Variants in TENM4 observed in about 807,000 individuals in gnomAD.
The protein encoded by TENM4 is teneurin-4.
TENM4 carries 82 observed loss-of-function variants against 243.3 expected under a neutral mutation model. The observed-to-expected ratio is 0.34, with a 90% CI of 0.28 to 0.40. The LOEUF (loss-of-function observed/expected upper bound fraction) is 0.40, where lower values mean the gene tolerates loss of function less well. TENM4 is among the 10% of genes least tolerant of loss of function. The pLI, the probability that TENM4 is intolerant of heterozygous loss-of-function variation, is 1.00. For synonymous variants in TENM4, 1,412 were observed against 1,456.3 expected (o/e 0.97, Z 0.69); for missense variants, 3,138 against 3,673.3 (o/e 0.85, Z 3.77).
chr11:79,136,491 C>A (rs975133277), intron 4 of TENM4, among the ~76,000 whole-genome samples: 2 of 152,170 alleles, frequency 1.3e-5, no homozygotes, highest in African/African-American at 4.8e-5. Context: ...GCTACAGCCA[C>A]TGCTGAGTGC....
chr11:79,098,836 G>A (rs1184755849), intron 4 of TENM4, among the ~76,000 whole-genome samples: 1 of 152,094 alleles, frequency 6.6e-6, no homozygotes, highest in Non-Finnish European at 1.5e-5. Flanking sequence ...AAAGGAACGT[G>A]GTATTGCAGC....
In TENM4 at chr11:78,653,925, G is replaced by A. The variant is rs1792131; in HGVS notation, c.*4133C>T. The A allele has an allele frequency of 0.83, 126,750 of 152,212 alleles. 53,101 individuals are homozygous for A. The highest frequency in any genetic ancestry group is 0.88 in the Non-Finnish European group (59,543 of 68,026). The allele number at this position is 152,212 out of a possible 1,614,324, so 9.4% of individuals were successfully genotyped here. On this transcript the variant is annotated 3_prime_UTR_variant, in exon 34 of 34. Transcript: ENST00000278550. The stretch of plus-strand genomic sequence containing the variant: ...ACACAAGGATGGTTTTTGTGAATGT[G>A]AAGGTTGGAGAGGATAAGGTTTCTC...
intron 4 of TENM4, among the ~76,000 whole-genome samples, chr11:79,118,731 T>C (rs1204427451): frequency 1.3e-5 from 2 of 152,190 alleles, no homozygotes; most frequent in African/African-American, 2.4e-5. Flanking sequence ...GTGTCAGAAT[T>C]CCCTTTCTTT....
intron 4 of TENM4, among the ~76,000 whole-genome samples, chr11:79,073,981 G>A (rs995930352): frequency 1.3e-5 from 2 of 152,098 alleles, no homozygotes; most frequent in Non-Finnish European, 2.9e-5. Context: ...AAATTGGTGG[G>A]TGACTATTTC....
At chr11:79,308,018 C>A (rs915768813) in intron 1 of TENM4, among the ~76,000 whole-genome samples, 1 of 152,228 alleles carries the variant, frequency 6.6e-6, no homozygotes, top group African/African-American at 2.4e-5. Context: ...TAACTGAATG[C>A]CAACAAGGCT....
chr11:79,068,339 G>C (rs1282018212), intron 5 of TENM4: 1 of 152,256 alleles, frequency 6.6e-6, no homozygotes, highest in African/African-American at 2.4e-5. Flanking sequence ...CAGAGCCACA[G>C]TTCAAATCTA....
At chr11:79,327,018 A>C (rs1404565010) in intron 1 of TENM4, among the ~76,000 whole-genome samples, 1 of 152,238 alleles carries the variant, frequency 6.6e-6, no homozygotes, top group Admixed American at 6.5e-5. Flanking sequence ...CTCTGGCTGC[A>C]GAAAGAGCTC....
At chr11:79,354,868 A>T (rs1029110194) in intron 1 of TENM4, among the ~76,000 whole-genome samples, 5 of 152,226 alleles carry the variant, frequency 3.3e-5, no homozygotes, top group Admixed American at 1.3e-4. Context: ...AGCTGGCATG[A>T]ATAAAATAAT....
rs1855796362 is a variant in TENM4, at chr11:79,261,485, G to GGATGAT, written c.-265+35997_-265+36002dup. 2.0e-5 allele frequency among the ~76,000 whole-genome samples: 3 copies of GGATGAT among 152,270 alleles called. No homozygotes were observed. The East Asian group carries it at 5.8e-4, about 29-fold the overall frequency. ...GGGGAAGCATCCTGGTTTCTTTTGG[G>GGATGAT]GATGATGGAAATGTCCTAAAATAGA... is the stretch of plus-strand genomic sequence containing the variant. On this transcript the variant is annotated intron_variant, in intron 2 of 33. Transcript: ENST00000278550.
chr11:79,418,931 A>G (rs1021052411), intron 1 of TENM4, among the ~76,000 whole-genome samples: 11 of 152,232 alleles, frequency 7.2e-5, no homozygotes, highest in African/African-American at 2.4e-4. Flanking sequence ...ACATTCCCAA[A>G]GAGGCATACA....
At chr11:79,003,963 G>GA (rs1858404506) in intron 6 of TENM4, among the ~76,000 whole-genome samples, 1 of 126,378 alleles carries the variant, frequency 7.9e-6, no homozygotes. Flanking sequence ...AAAGCAAACA[G>GA]AAAAACACAG....
chr11:79,398,093 A>G (rs1273847711), intron 1 of TENM4, among the ~76,000 whole-genome samples: 1 of 152,194 alleles, frequency 6.6e-6, no homozygotes, highest in Non-Finnish European at 1.5e-5. Context: ...TGCAAGACAA[A>G]TTATAAGGAA....
At chr11:78,676,473 T>C in intron 29 of TENM4, 86 bp from the exon 30 acceptor site, 1 of 1,090,886 alleles carries the variant, frequency 9.2e-7, no homozygotes. Context: ...GAGGGGACTT[T>C]AAAGGATGCT....
chr11:79,229,537 C>T (rs1055844898), intron 2 of TENM4, among the ~76,000 whole-genome samples: 2 of 152,204 alleles, frequency 1.3e-5, no homozygotes, highest in African/African-American at 4.8e-5. Context: ...CTCTTGGGAG[C>T]CTTCTTTGAT....
intron 2 of TENM4, among the ~76,000 whole-genome samples, chr11:79,226,921 G>A (rs1864278618): frequency 6.6e-6 from 1 of 152,184 alleles, no homozygotes; most frequent in Non-Finnish European, 1.5e-5. Flanking sequence ...TGCGCAGGCT[G>A]AATGGACGCT....
intron 1 of TENM4, among the ~76,000 whole-genome samples, chr11:79,357,996 T>C (rs1345742646): frequency 6.6e-6 from 1 of 152,198 alleles, no homozygotes; most frequent in Admixed American, 6.5e-5. Context: ...GGAATGGAAA[T>C]GTTTCCACTT....
chr11:78,866,607 C>T (rs1858983400), intron 9 of TENM4, among the ~76,000 whole-genome samples: 1 of 150,878 alleles, frequency 6.6e-6, no homozygotes, highest in African/African-American at 2.4e-5. Context: ...GTGGGGGAGA[C>T]ATGGGGGGAG....
intron 23 of TENM4, 42 bp from the exon 24 acceptor site, chr11:78,722,959 T>C (rs759421963): frequency 1.1e-5 from 17 of 1,601,022 alleles, no homozygotes; most frequent in Admixed American, 5.0e-5. Flanking sequence ...GAGCAGGAAA[T>C]GGGTATCTTT....
At chr11:78,734,367 C>T (rs1855740464) in intron 20 of TENM4, among the ~76,000 whole-genome samples, 1 of 152,128 alleles carries the variant, frequency 6.6e-6, no homozygotes, top group Non-Finnish European at 1.5e-5. Context: ...TTCTATAGAA[C>T]CACCATCAAG....
Sources: allele counts gnomAD v4.1 joint callset (sites outside exome capture counted in the v4.1 genomes callset), GRCh38; gene constraint gnomAD v4.1.1; transcripts MANE v1.5; gene names NCBI Gene and HGNC (gene_info 2026-07-23, HGNC 2026-07-21).